The following TBC1D4 variants were observed in gnomAD, a reference collection of about 807,000 sequenced individuals.
The protein encoded by TBC1D4 is TBC (Tre-2, BUB2, CDC16) domain-containing protein.
Under a neutral mutation model 142.5 loss-of-function variants are expected in TBC1D4, and 121 were observed. That is an observed-to-expected ratio of 0.85 (90% CI 0.73 to 0.99). TBC1D4 has a LOEUF of 0.99. Ranked by LOEUF, TBC1D4 falls within the 50% of genes least tolerant of loss-of-function variation. The probability of loss-of-function intolerance (pLI) is 0.00; values close to 1 mark genes in which losing one functional copy is unlikely to be tolerated. For synonymous variants in TBC1D4, 630 were observed against 628.2 expected (o/e 1.00, Z -0.04); for missense variants, 1,475 against 1,606.6 (o/e 0.92, Z 1.40).
chr13:75,409,229 T>C (rs1885484693), intron 1 of TBC1D4, among the ~76,000 whole-genome samples: 1 of 152,238 alleles, frequency 6.6e-6, no homozygotes. Context: ...TACCAGAATC[T>C]CAACAATGTT....
intron 1 of TBC1D4, among the ~76,000 whole-genome samples, chr13:75,404,051 G>GATATATAT (rs200553778): frequency 2.3e-4 from 35 of 149,002 alleles, no homozygotes; most frequent in African/African-American, 8.8e-4. Context: ...TTGTAGGGGG[G>GATATATAT]ATATATATAC....
intron 1 of TBC1D4, among the ~76,000 whole-genome samples, chr13:75,363,665 T>A (rs80286416): frequency 0.06 from 9,113 of 152,172 alleles, 405 homozygotes; most frequent in African/African-American, 0.12. Context: ...AGCTGTGCCC[T>A]AACCACCCTG....
chr13:75,404,423 ATG>A (rs1257248387), intron 1 of TBC1D4, among the ~76,000 whole-genome samples: 1 of 152,160 alleles, frequency 6.6e-6, no homozygotes, highest in East Asian at 1.9e-4. Context: ...ATTTAGTCAT[ATG>A]TCTCCCTAAG....
At chr13:75,403,953 T>C (rs193003018) in intron 1 of TBC1D4, among the ~76,000 whole-genome samples, 2 of 152,056 alleles carry the variant, frequency 1.3e-5, no homozygotes, top group African/African-American at 4.8e-5. Context: ...GATTATGATA[T>C]AAAAGATTAT....
At chr13:75,400,433 A>G (rs1366153385) in intron 1 of TBC1D4, among the ~76,000 whole-genome samples, 1 of 149,678 alleles carries the variant, frequency 6.7e-6, no homozygotes, top group Non-Finnish European at 1.5e-5. Context: ...TGTTCTTTCT[A>G]AATACAAACC....
At chr13:75,334,243 C>G (rs1301312246) in intron 8 of TBC1D4, among the ~76,000 whole-genome samples, 1 of 151,816 alleles carries the variant, frequency 6.6e-6, no homozygotes, top group Non-Finnish European at 1.5e-5. Context: ...CAGTGGGAGC[C>G]CTTTCAAGGT....
chr13:75,327,886 T>A (rs1879412293), intron 8 of TBC1D4, 60 bp from the exon 9 acceptor site: 2 of 1,547,772 alleles, frequency 1.3e-6, no homozygotes, highest in East Asian at 4.5e-5. Flanking sequence ...TTCAAAACTA[T>A]AAAAGGTAGT....
intron 1 of TBC1D4, among the ~76,000 whole-genome samples, chr13:75,398,266 C>T (rs538324205): frequency 1.2e-4 from 19 of 152,238 alleles, no homozygotes; most frequent in Admixed American, 4.6e-4. Context: ...TGGTTTGTTA[C>T]GCAATGAACA....
chr13:75,340,712 C>A (rs1167838321), intron 7 of TBC1D4, among the ~76,000 whole-genome samples: 1 of 152,024 alleles, frequency 6.6e-6, no homozygotes, highest in East Asian at 1.9e-4. Context: ...TTTGGGAGGC[C>A]GAGGCGGGGG....
intron 16 of TBC1D4, 47 bp downstream of exon 16, chr13:75,302,196 G>T (rs1876631907): frequency 1.2e-6 from 2 of 1,610,014 alleles, no homozygotes; most frequent in Admixed American, 1.7e-5. Flanking sequence ...TTAACAGAGG[G>T]ATCAGCTGTT....
intron 12 of TBC1D4, among the ~76,000 whole-genome samples, chr13:75,317,698 T>G (rs1878428694): frequency 6.6e-6 from 1 of 152,204 alleles, no homozygotes; most frequent in South Asian, 2.1e-4. Context: ...GTGCCAGCAT[T>G]ACCTCTATCA....
At chr13:75,402,620 AT>A (rs1438647138) in intron 1 of TBC1D4, among the ~76,000 whole-genome samples, 1 of 149,626 alleles carries the variant, frequency 6.7e-6, no homozygotes, top group African/African-American at 2.5e-5. Context: ...TTTAAAAACA[AT>A]TTCATTTTCC....
In TBC1D4 at chr13:75,310,063, C is replaced by T. The variant is rs762449836; in HGVS notation, c.2472G>A (p.Glu824=). ...EEPLVVFLSG[E]DDPEKIEERK... is the part of the protein sequence containing the mutation. ...TTTCTTCAATCTTTTCTGGGTCATC[C>T]TCCCCAGACAGGAATACAACCAGCG... Residue 824 remains glutamate, a synonymous_variant, in exon 14 of 21, where the codon GAG becomes GAA. Transcript: ENST00000377636. 6 of 1,613,930 alleles carry T rather than the reference C, an allele frequency of 3.7e-6. No homozygotes were observed. In the African/African-American group the frequency reaches 5.3e-5, roughly 14 times the overall value.
intron 14 of TBC1D4, 55 bp from the exon 15 acceptor site, chr13:75,306,526 T>C (rs1191298902): frequency 4.4e-6 from 7 of 1,600,122 alleles, no homozygotes; most frequent in South Asian, 2.2e-5. Context: ...TGTAAAACTT[T>C]AGACGTTTGA....
intron 13 of TBC1D4, among the ~76,000 whole-genome samples, chr13:75,312,243 GTTTGT>G (rs1250272608): frequency 6.6e-6 from 1 of 151,842 alleles, no homozygotes; most frequent in African/African-American, 2.4e-5. Flanking sequence ...TTCTATGTCA[GTTTGT>G]TTTATGTGTG....
intron 1 of TBC1D4, among the ~76,000 whole-genome samples, chr13:75,465,968 T>C (rs1888150098): frequency 6.6e-6 from 1 of 152,188 alleles, no homozygotes; most frequent in Non-Finnish European, 1.5e-5. Context: ...ATGTCCTGTT[T>C]TTCCAGACTG....
intron 8 of TBC1D4, among the ~76,000 whole-genome samples, chr13:75,335,982 T>A (rs1303326613): frequency 6.6e-6 from 1 of 152,252 alleles, no homozygotes; most frequent in Non-Finnish European, 1.5e-5. Context: ...CTTATAGTAT[T>A]GAGCATCAGT....
intron 11 of TBC1D4, 38 bp downstream of exon 11, chr13:75,324,199 G>C (rs1879019026): frequency 3.1e-6 from 5 of 1,612,860 alleles, no homozygotes; most frequent in Non-Finnish European, 4.2e-6. Flanking sequence ...TATCACTGCA[G>C]AAAATTTTGC....
intron 1 of TBC1D4, among the ~76,000 whole-genome samples, chr13:75,363,468 C>G (rs1044727142): frequency 6.6e-6 from 1 of 152,216 alleles, no homozygotes; most frequent in African/African-American, 2.4e-5. Context: ...TGATTGCCTC[C>G]TTTGGAAAGG....
Sources: allele counts gnomAD v4.1 joint callset (sites outside exome capture counted in the v4.1 genomes callset), GRCh38; gene constraint gnomAD v4.1.1; transcripts MANE v1.5; gene names NCBI Gene and HGNC (gene_info 2026-07-23, HGNC 2026-07-21).